LPIN1: variants seen among roughly 807,000 people sequenced by gnomAD.
The protein encoded by LPIN1 is lipin 1.
In LPIN1, 71 loss-of-function variants were observed where a neutral mutation model predicts 107.5. The observed-to-expected ratio is 0.66, with a 90% confidence interval of 0.55 to 0.80. The LOEUF is 0.80. LPIN1 is among the 30% of genes least tolerant of loss of function. The pLI is 0.00. For synonymous variants in LPIN1, 445 were observed against 452.6 expected, an observed-to-expected ratio of 0.98 and a Z score of 0.21; for missense variants, 1,043 against 1,160.6, an observed-to-expected ratio of 0.90 and a Z score of 1.47.
At chr2:11,709,097 G>T (rs1359037065) in intron 1 of LPIN1, among the ~76,000 whole-genome samples, 3 of 152,090 alleles carry the variant, frequency 2.0e-5, no homozygotes, top group African/African-American at 7.2e-5. Flanking sequence ...GACCACAAGT[G>T]GTTATCTCAT....
At chr2:11,815,664 T>C (rs1448430026) in intron 18 of LPIN1, among the ~76,000 whole-genome samples, 1 of 152,012 alleles carries the variant, frequency 6.6e-6, no homozygotes, top group Non-Finnish European at 1.5e-5. Context: ...CTCTATCTCA[T>C]CTCCTTAGGG....
intron 5 of LPIN1, among the ~76,000 whole-genome samples, chr2:11,775,769 G>A (rs1014873681): frequency 6.0e-5 from 9 of 150,064 alleles, no homozygotes; most frequent in African/African-American, 2.3e-4. Flanking sequence ...ATTATCAGAT[G>A]TCTGAGTTTC....
intron 1 of LPIN1, among the ~76,000 whole-genome samples, chr2:11,762,421 T>C (rs1243297565): frequency 2.1e-4 from 3 of 14,344 alleles, no homozygotes; most frequent in Admixed American, 9.9e-4. Context: ...TCTCCCTCCC[T>C]GGAGGTTGGG....
rs576850873 is a variant in LPIN1 at position 11,754,361 on chromosome 2, GTGGGT to G, written c.-10+7692_-10+7696del. 2.7e-4 allele frequency among the ~76,000 whole-genome samples: 41 copies of G among 152,356 alleles called. No individual in the cohort carries two copies. The East Asian group carries it at 4.4e-3, about 16-fold the overall frequency. On this transcript the variant is annotated intron_variant, in intron 1 of 20. Transcript: ENST00000674199. ...ATCGTGTTTGCTCTCTGGGCAGTGAGTGGGTTTTGGGTAGCTTCTCTCCAGGAAAT... is the reference window on the plus strand; with the variant it reads ...ATCGTGTTTGCTCTCTGGGCAGTGAGTTTGGGTAGCTTCTCTCCAGGAAAT...
In LPIN1 at chr2:11,776,180, C is replaced by G. The variant is rs1233174135; in HGVS notation, c.817C>G (p.His273Asp). The change falls in exon 6 of 21, where the codon CAT (histidine) becomes GAT (aspartate). Residue 273 changes from histidine to aspartate, a missense_variant. Coordinates refer to ENST00000674199, the MANE Select transcript of LPIN1 (RefSeq NM_001349206.2). ...SSCPPQSSLFHPSESPSGSRP... is the reference protein window; with the variant it reads ...SSCPPQSSLFDPSESPSGSRP... Reference sequence around the variant, plus strand: ...TTGCCCTCCACAGTCTTCCCTGTTCCATCCTTCGGAAAGGTAGAGGAGTTA... The same window carrying G: ...TTGCCCTCCACAGTCTTCCCTGTTCGATCCTTCGGAAAGGTAGAGGAGTTA... 3 of 1,538,622 alleles carry G rather than the reference C, an allele frequency of 1.9e-6. No homozygotes were observed. The highest frequency in any genetic ancestry group is 2.0e-5 in the Admixed American group (1 of 50,788).
upstream of LPIN1, among the ~76,000 whole-genome samples, chr2:11,743,057 A>G (rs1205536799): frequency 6.6e-6 from 1 of 152,206 alleles, no homozygotes; most frequent in Non-Finnish European, 1.5e-5. This position sits in a 1 kb window ranked among gnomAD's most constrained non-coding sequence, Gnocchi z 4.7. Flanking sequence ...ACGGCCCTTC[A>G]GTTCACAGCG....
intron 20 of LPIN1, among the ~76,000 whole-genome samples, chr2:11,824,292 TC>T (rs1463725844): frequency 3.3e-5 from 5 of 151,446 alleles, no homozygotes; most frequent in Non-Finnish European, 5.9e-5. Context: ...TCCCCCGATG[TC>T]CCATATGTGA....
chr2:11,811,217 G>C (rs1387450441), intron 17 of LPIN1, among the ~76,000 whole-genome samples: 1 of 152,188 alleles, frequency 6.6e-6, no homozygotes, highest in East Asian at 1.9e-4. Context: ...TGCACTGAAG[G>C]GACCGTGGAA....
intron 7 of LPIN1, among the ~76,000 whole-genome samples, chr2:11,779,984 G>A (rs1235888858): frequency 6.6e-6 from 1 of 151,822 alleles, no homozygotes; most frequent in African/African-American, 2.4e-5. Context: ...AGGTTCAAGC[G>A]ATTCTCCTGC....
At chr2:11,686,488 G>C (rs935644879) in intron 1 of LPIN1, among the ~76,000 whole-genome samples, 1 of 152,182 alleles carries the variant, frequency 6.6e-6, no homozygotes, top group Non-Finnish European at 1.5e-5. Context: ...GGGAAGGACG[G>C]TGCTGGAGGG....
At chr2:11,742,962 G>A (rs1203153130), upstream of LPIN1, among the ~76,000 whole-genome samples, 4 of 152,242 alleles carry the variant, frequency 2.6e-5, no homozygotes, top group Non-Finnish European at 5.9e-5. Flanking sequence ...GCCTAGATTT[G>A]CCTAGGTCGG....
intron 7 of LPIN1, among the ~76,000 whole-genome samples, chr2:11,781,765 T>C (rs892679931): frequency 5.3e-5 from 8 of 152,204 alleles, no homozygotes; most frequent in Admixed American, 3.3e-4. Context: ...ACCCCCACTC[T>C]TTGCGGTCAC....
At chr2:11,782,149 C>T in intron 7 of LPIN1, 52 bp from the exon 8 acceptor site, 1 of 1,447,918 alleles carries the variant, frequency 6.9e-7, no homozygotes. Flanking sequence ...TTTCTGGTTG[C>T]CTTTGTGCTG....
At chr2:11,750,068 C>T (rs1024154098) in intron 1 of LPIN1, among the ~76,000 whole-genome samples, 12 of 152,188 alleles carry the variant, frequency 7.9e-5, no homozygotes, top group Non-Finnish European at 1.2e-4. Context: ...CCTGCTGGCA[C>T]GCACTTGTGC....
At chr2:11,814,512 ATGTG>A (rs71394769) in intron 17 of LPIN1, among the ~76,000 whole-genome samples, 4,691 of 138,454 alleles carry the variant, frequency 0.034, 97 homozygotes, top group Admixed American at 0.05. Flanking sequence ...GTGTGTGTGC[ATGTG>A]TGTGTGTGTG....
At chr2:11,808,453 T>A (rs1437534965) in intron 17 of LPIN1, among the ~76,000 whole-genome samples, 2 of 152,198 alleles carry the variant, frequency 1.3e-5, no homozygotes, top group African/African-American at 4.8e-5. Context: ...GAGAAATGAT[T>A]CTCATGCTAG....
intron 17 of LPIN1, among the ~76,000 whole-genome samples, chr2:11,813,860 G>A (rs895645629): frequency 1.1e-4 from 17 of 152,152 alleles, no homozygotes; most frequent in Middle Eastern, 3.4e-3. Context: ...GTTGCAGTGC[G>A]CCAAGATCAC....
chr2:11,805,134 A>G lies in LPIN1; in HGVS notation c.2227A>G (p.Lys743Glu), dbSNP rs531569389. The G allele has an allele frequency of 8.1e-6, 13 of 1,613,980 alleles. No homozygotes were observed. The East Asian group carries it at 2.9e-4, about 36-fold the overall frequency. The change falls in exon 17 of 21, where the codon AAG (lysine) becomes GAG (glutamate). Residue 743 changes from lysine to glutamate, a missense_variant. By Grantham distance (56) the Lys-to-Glu change is moderately conservative (BLOSUM62 1). Coordinates refer to ENST00000674199, the MANE Select transcript of LPIN1 (RefSeq NM_001349206.2). ...GGATTGGACCCATCAGGGCATCGCT[A>G]AGCTGTACCATAAAGTGAGCCAGTG... is the stretch of plus-strand genomic sequence containing the variant. ...GKDWTHQGIA[K>E]LYHKVSQNGY...
At chr2:11,688,852 C>A (rs1662139265) in intron 1 of LPIN1, among the ~76,000 whole-genome samples, 1 of 152,120 alleles carries the variant, frequency 6.6e-6, no homozygotes, top group Non-Finnish European at 1.5e-5. Context: ...TTGACCCAGG[C>A]AGAAATTGAG....
Sources: allele counts gnomAD v4.1 joint callset (sites outside exome capture counted in the v4.1 genomes callset), GRCh38; gene constraint gnomAD v4.1.1; non-coding constraint Gnocchi (gnomAD v3.1); transcripts MANE v1.5; gene names NCBI Gene and HGNC (gene_info 2026-07-23, HGNC 2026-07-21).